DTNB: variants seen among roughly 807,000 people sequenced by gnomAD.
DTNB encodes DTN-B.
In DTNB, 63 loss-of-function variants were observed where a neutral mutation model predicts 90.7. The observed-to-expected ratio is 0.69, with a 90% CI of 0.57 to 0.86. The LOEUF (loss-of-function observed/expected upper bound fraction) is 0.86. Among genes scored for constraint, DTNB ranks in the 40% least tolerant of loss-of-function variants. The pLI is 0.00. For synonymous variants in DTNB, 277 were observed against 286.7 expected (o/e 0.97, Z 0.34); for missense variants, 744 against 807.1 (o/e 0.92, Z 0.95).
At chr2:25,568,972 C>T (rs1436544843) in intron 8 of DTNB, among the ~76,000 whole-genome samples, 1 of 152,228 alleles carries the variant, frequency 6.6e-6, no homozygotes, top group Non-Finnish European at 1.5e-5. Flanking sequence ...CTGGATGCCT[C>T]CTCTAGGGAT....
intron 9 of DTNB, among the ~76,000 whole-genome samples, chr2:25,525,777 A>T (rs1000225894): frequency 5.9e-5 from 9 of 152,162 alleles, no homozygotes; most frequent in African/African-American, 2.2e-4. Context: ...CGATATGGGG[A>T]GGGCTTTTTA....
At chr2:25,380,390 G>C (rs981967275) in intron 19 of DTNB, among the ~76,000 whole-genome samples, 1 of 152,198 alleles carries the variant, frequency 6.6e-6, no homozygotes, top group Non-Finnish European at 1.5e-5. Flanking sequence ...AAATGCCCAT[G>C]TATGAGCTAC....
chr2:25,379,521 G>A (rs2036951879), intron 19 of DTNB, 198 bp from the exon 20 acceptor site: 3 of 513,444 alleles, frequency 5.8e-6, no homozygotes, highest in Non-Finnish European at 9.1e-6. Flanking sequence ...GCCAACCCGA[G>A]GCAGCCATGG....
chr2:25,406,974 G>A (rs894789386), intron 16 of DTNB, among the ~76,000 whole-genome samples: 1 of 152,104 alleles, frequency 6.6e-6, no homozygotes, highest in African/African-American at 2.4e-5. Flanking sequence ...CAATGTGAAA[G>A]CAATTAACAG....
At chr2:25,501,207 G>GT (rs5829979) in intron 9 of DTNB, among the ~76,000 whole-genome samples, 41,405 of 148,990 alleles carry the variant, frequency 0.28, 6,138 homozygotes, top group East Asian at 0.51. Flanking sequence ...AGATCTAGAA[G>GT]TTTTTTTTTT....
At chr2:25,526,257 T>C (rs573170667) in intron 9 of DTNB, among the ~76,000 whole-genome samples, 5 of 151,060 alleles carry the variant, frequency 3.3e-5, no homozygotes, top group Non-Finnish European at 5.9e-5. Context: ...CCATACACTG[T>C]GGCATTATAT....
intron 19 of DTNB, 53 bp from the exon 20 acceptor site, chr2:25,379,376 A>G: frequency 7.7e-7 from 1 of 1,304,412 alleles, no homozygotes; most frequent in Non-Finnish European, 9.8e-7. Context: ...AGGTCTTCTC[A>G]TGCCCCAGAC....
intron 10 of DTNB, among the ~76,000 whole-genome samples, chr2:25,467,143 G>C (rs2061931094): frequency 6.6e-6 from 1 of 152,160 alleles, no homozygotes; most frequent in African/African-American, 2.4e-5. Flanking sequence ...AAGCCCTTGG[G>C]CAAGTTGAAG....
At chr2:25,620,831 T>C (rs2072369090) in intron 4 of DTNB, among the ~76,000 whole-genome samples, 1 of 152,070 alleles carries the variant, frequency 6.6e-6, no homozygotes, top group Non-Finnish European at 1.5e-5. Context: ...ATAAATAGCC[T>C]GTTCACACTG....
intron 1 of DTNB, among the ~76,000 whole-genome samples, chr2:25,665,518 T>C (rs58957002): frequency 0.035 from 5,390 of 151,942 alleles, 152 homozygotes; most frequent in African/African-American, 0.082. Context: ...CCCAGCTACT[T>C]GGGAGGCTGA....
chr2:25,543,708 T>C (rs970010993), intron 8 of DTNB, among the ~76,000 whole-genome samples: 3 of 152,208 alleles, frequency 2.0e-5, no homozygotes, highest in Non-Finnish European at 4.4e-5. Context: ...TGGCTTATTA[T>C]GTCATTACTT....
chr2:25,427,223 A>G (rs929326575), intron 15 of DTNB, among the ~76,000 whole-genome samples: 22 of 148,996 alleles, frequency 1.5e-4, no homozygotes, highest in African/African-American at 4.2e-4. Flanking sequence ...ACACACACAC[A>G]CTACTTTAAG....
chr2:25,644,462 G>GA (rs1378989621), intron 2 of DTNB, among the ~76,000 whole-genome samples: 3 of 152,180 alleles, frequency 2.0e-5, no homozygotes, highest in Admixed American at 6.5e-5. Context: ...ATTTATGATT[G>GA]AAAAAATTTT....
chr2:25,576,831 CA>C lies in DTNB; in HGVS notation c.876+6del. On this transcript the variant is annotated splice_donor_region_variant and intron_variant, in intron 8 of 20. Coordinates refer to ENST00000406818, the MANE Select transcript of DTNB (RefSeq NM_021907.5). ...TCAGGGACACAGATGAAACACAAAG[CA>C]GTTACCCAAGAGGAATGCTCCTTCA... The C allele has an allele frequency of 6.2e-7, 1 of 1,608,486 alleles. No homozygotes were observed. The highest frequency in any genetic ancestry group is 1.1e-5 in the South Asian group (1 of 90,012).
chr2:25,539,577 C>CTTTTTTTTTTTTTT (rs376900916), intron 8 of DTNB, among the ~76,000 whole-genome samples: 1 of 123,338 alleles, frequency 8.1e-6, no homozygotes, highest in Non-Finnish European at 1.7e-5. Context: ...ACTGGATTGC[C>CTTTTTTTTTTTTTT]TTTTTTTTTT....
chr2:25,582,561 A>C (rs2061708354), intron 6 of DTNB, among the ~76,000 whole-genome samples: 1 of 152,220 alleles, frequency 6.6e-6, no homozygotes, highest in Non-Finnish European at 1.5e-5. Context: ...GAAAGCCTGC[A>C]GGCCGGCAGG....
At chr2:25,433,765 T>A in intron 13 of DTNB, 145 bp downstream of exon 13, 1 of 783,360 alleles carries the variant, frequency 1.3e-6, no homozygotes, top group African/African-American at 1.7e-5. Context: ...TCCAGGGCAT[T>A]CCCTGGACTT....
chr2:25,536,202 C>T (rs1575503678), intron 8 of DTNB, among the ~76,000 whole-genome samples: 1 of 149,070 alleles, frequency 6.7e-6, no homozygotes, highest in Non-Finnish European at 1.5e-5. Context: ...CGGGCAGAGG[C>T]ACTCCTCACC....
At chr2:25,438,338 T>C (rs2056507966) in intron 12 of DTNB, among the ~76,000 whole-genome samples, 1 of 152,156 alleles carries the variant, frequency 6.6e-6, no homozygotes, top group Non-Finnish European at 1.5e-5. Flanking sequence ...AAAAATCTCA[T>C]AATGTTTTAA....
Sources: allele counts gnomAD v4.1 joint callset (sites outside exome capture counted in the v4.1 genomes callset), GRCh38; gene constraint gnomAD v4.1.1; transcripts MANE v1.5; gene names NCBI Gene and HGNC (gene_info 2026-07-23, HGNC 2026-07-21).